The following FOXN3 variants were observed in gnomAD, a reference collection of about 807,000 sequenced individuals.
The protein encoded by FOXN3 is forkhead box N3.
FOXN3 carries 7 observed loss-of-function variants against 38.4 expected under a neutral mutation model. The observed-to-expected ratio is 0.18, with a 90% CI of 0.10 to 0.34. The LOEUF (loss-of-function observed/expected upper bound fraction) is 0.34, where lower values mean the gene tolerates loss of function less well. Ranked by LOEUF, FOXN3 falls within the 10% of genes least tolerant of loss-of-function variation. The pLI is 1.00. For missense variants in FOXN3, 456 were observed against 613.4 expected (o/e 0.74, Z 2.71); for synonymous variants, 230 against 242.2 (o/e 0.95, Z 0.47).
chr14:89,269,002 C>T (rs1042339024), intron 4 of FOXN3, among the ~76,000 whole-genome samples: 2 of 152,242 alleles, frequency 1.3e-5, no homozygotes, highest in Non-Finnish European at 2.9e-5. Context: ...CACAAATGAT[C>T]AGCACACAAT....
chr14:89,299,894 C>G (rs1887164313), intron 3 of FOXN3, among the ~76,000 whole-genome samples: 1 of 152,158 alleles, frequency 6.6e-6, no homozygotes, highest in Non-Finnish European at 1.5e-5. Flanking sequence ...AAAATCCCCT[C>G]CATCAAGAGC....
intron 3 of FOXN3, among the ~76,000 whole-genome samples, chr14:89,332,706 T>A (rs561001412): frequency 6.6e-6 from 1 of 152,176 alleles, no homozygotes; most frequent in African/African-American, 2.4e-5. Flanking sequence ...TAAGTGGGAC[T>A]ACATCAAACT....
rs532380048 is a variant in FOXN3, at chr14:89,497,446, G to T, written c.-14-84956C>A. ...TTTGAGATGGAGTTTTGCTCTTGTTGCCCAGGCTGGAGTGCAATGGCGCGA... is the reference window on the plus strand; with the variant it reads ...TTTGAGATGGAGTTTTGCTCTTGTTTCCCAGGCTGGAGTGCAATGGCGCGA... On this transcript the variant is annotated intron_variant, in intron 1 of 6. Transcript: ENST00000345097. Among the ~76,000 whole-genome samples the T allele has an allele frequency of 2.2e-3, 225 of 104,154 alleles. 1 individual carries two copies. The highest frequency in any genetic ancestry group is 8.3e-3 in the African/African-American group (216 of 26,180). 68.3% of individuals were successfully genotyped at this position (104,154 alleles called of 152,430 possible).
chr14:89,526,915 T>C (rs910477418), intron 1 of FOXN3, among the ~76,000 whole-genome samples: 1 of 152,192 alleles, frequency 6.6e-6, no homozygotes, highest in African/African-American at 2.4e-5. Flanking sequence ...TGGAACAGAA[T>C]AGAGTCCAGA....
chr14:89,549,166 A>G (rs1894948941), intron 1 of FOXN3, among the ~76,000 whole-genome samples: 1 of 151,836 alleles, frequency 6.6e-6, no homozygotes, highest in Admixed American at 6.6e-5. Context: ...ATATTTTTAA[A>G]TGCTCTTTAT....
At chr14:89,458,436 T>C (rs1354454726) in intron 1 of FOXN3, among the ~76,000 whole-genome samples, 1 of 152,194 alleles carries the variant, frequency 6.6e-6, no homozygotes. Flanking sequence ...GATTAGCACA[T>C]TGTGCTCCCT....
At chr14:89,166,093 G>A (rs908553414) in intron 5 of FOXN3, among the ~76,000 whole-genome samples, 2 of 152,114 alleles carry the variant, frequency 1.3e-5, no homozygotes, top group Non-Finnish European at 2.9e-5. Flanking sequence ...GCTATTCATT[G>A]TGCTTTTCTT....
chr14:89,336,137 TACACACACACACACAC>T lies in FOXN3; in HGVS notation c.680+14519_680+14534del, dbSNP rs34950734. Among the ~76,000 whole-genome samples the T allele has an allele frequency of 1.8e-4, 25 of 140,134 alleles. No individual in the cohort carries two copies. In the East Asian group the frequency reaches 3.9e-3, roughly 22 times the overall value. 91.9% of individuals were successfully genotyped at this position (140,134 alleles called of 152,430 possible). A position where few individuals can be genotyped will look rare whatever the true frequency, so the allele number is the denominator to read the frequency against. The stretch of plus-strand genomic sequence containing the variant: ...TTTTGTCTAAAACAGAAGTGATCCT[TACACACACACACACAC>T]ACACACACACACACACACATTCATA... On this transcript the variant is annotated intron_variant, in intron 3 of 5. Coordinates refer to ENST00000557258, the MANE Select transcript of FOXN3 (RefSeq NM_005197.4).
intron 5 of FOXN3, among the ~76,000 whole-genome samples, chr14:89,168,064 A>G (rs1887287406): frequency 6.6e-6 from 1 of 152,212 alleles, no homozygotes; most frequent in South Asian, 2.1e-4. Flanking sequence ...ATTTCCACAG[A>G]TAAGATTTCA....
At chr14:89,450,590 CT>C (rs35023413) in intron 1 of FOXN3, among the ~76,000 whole-genome samples, 65,196 of 144,182 alleles carry the variant, frequency 0.45, 14,413 homozygotes, top group African/African-American at 0.5. Flanking sequence ...TTCATCTTTC[CT>C]TTTTTTTTTT....
At chr14:89,218,774 G>T (rs1482091186) in intron 4 of FOXN3, among the ~76,000 whole-genome samples, 3 of 152,160 alleles carry the variant, frequency 2.0e-5, no homozygotes, top group African/African-American at 7.2e-5. Flanking sequence ...TGACTCAAAA[G>T]AGACTTTCTG....
chr14:89,208,229 C>T (rs961311655), intron 4 of FOXN3, among the ~76,000 whole-genome samples: 7 of 152,184 alleles, frequency 4.6e-5, no homozygotes, highest in Admixed American at 2.0e-4. Context: ...AAGGCGGGTA[C>T]GGGCCCTACC....
At chr14:89,511,124 C>G (rs1894048143) in intron 1 of FOXN3, among the ~76,000 whole-genome samples, 1 of 41,998 alleles carries the variant, frequency 2.4e-5, no homozygotes, top group Non-Finnish European at 9.4e-5. Context: ...TGCTTGGTGT[C>G]TTTCTTTCTT....
At chr14:89,372,455 G>A (rs1285549152) in intron 2 of FOXN3, among the ~76,000 whole-genome samples, 3 of 152,186 alleles carry the variant, frequency 2.0e-5, no homozygotes, top group Admixed American at 1.3e-4. Context: ...CAGTGTCAGT[G>A]AGGCTTCCAA....
rs547081117 is a variant in FOXN3, at chr14:89,498,210, C to CTTTTTTTTTT, written c.-14-85730_-14-85721dup. ...TCTGGCTGCTTCTCTCTCTCTCTCT[C>CTTTTTTTTTT]TTTTTTTTTTTTTTTTTTTTTTTTG... is the stretch of plus-strand genomic sequence containing the variant. On this transcript the variant is annotated intron_variant, in intron 1 of 6. Transcript: ENST00000345097. Among the ~76,000 whole-genome samples the CTTTTTTTTTT allele has an allele frequency of 1.7e-4, 14 of 81,060 alleles. 1 individual carries two copies. Among genetic ancestry groups the CTTTTTTTTTT allele is most frequent in the African/African-American group, 5.8e-4 (10 of 17,218 alleles). The allele number at this position is 81,060 out of a possible 152,430, so 53.2% of individuals were successfully genotyped here. A position where few individuals can be genotyped will look rare whatever the true frequency, so the allele number is the denominator to read the frequency against.
chr14:89,360,473 G>C (rs1486659807), intron 2 of FOXN3, among the ~76,000 whole-genome samples: 1 of 148,774 alleles, frequency 6.7e-6, no homozygotes, highest in Non-Finnish European at 1.5e-5. Flanking sequence ...GAGGGAAGGA[G>C]AAAGAGGGGA....
intron 1 of FOXN3, among the ~76,000 whole-genome samples, chr14:89,527,704 A>ATT (rs1555358781): frequency 0.16 from 18,624 of 118,830 alleles, 1,460 homozygotes; most frequent in African/African-American, 0.23. Flanking sequence ...ACAATGGCTA[A>ATT]TTTTTTTTTT....
At chr14:89,230,577 C>T (rs1884776027) in intron 4 of FOXN3, among the ~76,000 whole-genome samples, 1 of 152,218 alleles carries the variant, frequency 6.6e-6, no homozygotes, top group South Asian at 2.1e-4. Context: ...CATCTAAGTG[C>T]TAGCTACTAT....
intron 1 of FOXN3, among the ~76,000 whole-genome samples, chr14:89,499,873 T>C (rs985039685): frequency 6.6e-6 from 1 of 151,882 alleles, no homozygotes; most frequent in Non-Finnish European, 1.5e-5. Flanking sequence ...GGGAGTCATT[T>C]TGTATTGTTT....
Sources: allele counts gnomAD v4.1 joint callset (sites outside exome capture counted in the v4.1 genomes callset), GRCh38; gene constraint gnomAD v4.1.1; transcripts MANE v1.5; gene names NCBI Gene and HGNC (gene_info 2026-07-23, HGNC 2026-07-21).